The following MTUS1 variants were observed in gnomAD, a reference collection of about 807,000 sequenced individuals.
The protein encoded by MTUS1 is microtubule-associated tumor suppressor 1.
A neutral mutation model predicts 120.8 loss-of-function variants in MTUS1; 109 were observed. The ratio of observed to expected loss-of-function variants is 0.90; its 90% confidence interval spans 0.77 to 1.06. MTUS1 has a LOEUF of 1.06. MTUS1 is among the 50% of genes least tolerant of loss of function. MTUS1 has a pLI of 0.00. For missense variants in MTUS1, 2,210 were observed against 1,486.3 expected (o/e 1.49, Z -8.01); for synonymous variants, 737 against 550.5 (o/e 1.34, Z -4.74).
intron 6 of MTUS1, among the ~76,000 whole-genome samples, chr8:17,708,333 G>A (rs73204281): frequency 0.042 from 6,459 of 152,314 alleles, 162 homozygotes; most frequent in Middle Eastern, 0.065. Flanking sequence ...CAAATGGCCA[G>A]TAAGCACACG....
At chr8:17,734,185 G>A (rs1187783048) in intron 3 of MTUS1, 2 of 152,168 alleles carry the variant, frequency 1.3e-5, no homozygotes, top group African/African-American at 4.8e-5. Context: ...ATCCCTCAGT[G>A]TCTGGTACAT....
intron 3 of MTUS1, 49 bp from the exon 4 acceptor site, chr8:17,723,882 A>G (rs1312714484): frequency 4.1e-6 from 6 of 1,469,838 alleles, no homozygotes; most frequent in Non-Finnish European, 3.6e-6. Flanking sequence ...TCATCCCGAA[A>G]GCTGGCACTT....
intron 2 of MTUS1, among the ~76,000 whole-genome samples, chr8:17,744,268 T>C (rs963289214): frequency 2.0e-5 from 3 of 152,148 alleles, no homozygotes; most frequent in Middle Eastern, 3.2e-3. Context: ...CTAGCACCTT[T>C]TAAAAGTCTA....
intron 3 of MTUS1, among the ~76,000 whole-genome samples, chr8:17,742,105 C>G (rs777941956): frequency 5.3e-5 from 8 of 151,910 alleles, no homozygotes; most frequent in Non-Finnish European, 1.2e-4. Flanking sequence ...TTCTTCACCA[C>G]CAAGGGACAG....
intron 9 of MTUS1, among the ~76,000 whole-genome samples, chr8:17,655,302 A>C (rs1020476931): frequency 6.7e-6 from 1 of 149,844 alleles, no homozygotes; most frequent in African/African-American, 2.4e-5. Flanking sequence ...AAAAAAAAAG[A>C]AAGAAATGCA....
Position 17,645,888 on chromosome 8 carries a change from A to G in MTUS1, c.*38T>C, listed in dbSNP as rs1805668260. ...GGGGTCAGTCCTGCAGACCTGCATCAAAATGCTTTCAGAGAGTCTGTGGAC... is the reference window on the plus strand; with the variant it reads ...GGGGTCAGTCCTGCAGACCTGCATCGAAATGCTTTCAGAGAGTCTGTGGAC... On this transcript the variant is annotated 3_prime_UTR_variant, in exon 15 of 15. Transcript: ENST00000693296. 1.1e-5 allele frequency: 17 copies of G among 1,589,696 alleles called. No individual in the cohort carries two copies. The highest frequency in any genetic ancestry group is 1.5e-5 in the Non-Finnish European group (17 of 1,168,680).
chr8:17,657,363 T>C (rs1291539758), intron 8 of MTUS1, among the ~76,000 whole-genome samples: 3 of 151,212 alleles, frequency 2.0e-5, no homozygotes, highest in Non-Finnish European at 4.4e-5. Context: ...GGTCAGGAGA[T>C]CGAGACCATC....
chr8:17,699,364 G>A (rs1189504742), intron 6 of MTUS1, among the ~76,000 whole-genome samples: 2 of 152,038 alleles, frequency 1.3e-5, no homozygotes, highest in South Asian at 2.1e-4. Context: ...ACAGGTGCCC[G>A]CCACCATGCC....
At chr8:17,705,588 GAA>G (rs968146674) in intron 6 of MTUS1, 12 of 152,118 alleles carry the variant, frequency 7.9e-5, no homozygotes, top group Non-Finnish European at 1.5e-4. Context: ...AGTATAGGGG[GAA>G]AGTTATGTTA....
chr8:17,728,904 G>A (rs539315340), intron 3 of MTUS1, among the ~76,000 whole-genome samples: 1 of 152,160 alleles, frequency 6.6e-6, no homozygotes, highest in Non-Finnish European at 1.5e-5. Flanking sequence ...TAGTGTACCA[G>A]CACCTGCCAG....
chr8:17,719,107 T>C (rs1019353213), intron 4 of MTUS1, among the ~76,000 whole-genome samples: 1 of 151,856 alleles, frequency 6.6e-6, no homozygotes, highest in African/African-American at 2.4e-5. Context: ...GAGGCGGAGG[T>C]TGCAGTGAGC....
chr8:17,780,956 A>T (rs923733622), intron 1 of MTUS1: 3 of 152,232 alleles, frequency 2.0e-5, no homozygotes, highest in African/African-American at 7.2e-5. Context: ...GACACAGCTT[A>T]CACTTCATAG....
At chr8:17,770,752 C>T (rs1330817505) in intron 1 of MTUS1, among the ~76,000 whole-genome samples, 2 of 152,200 alleles carry the variant, frequency 1.3e-5, no homozygotes, top group Non-Finnish European at 1.5e-5. Flanking sequence ...ACAGACTTTT[C>T]TGAGGCTTTA....
At position 17,683,819 on chromosome 8, in the gene MTUS1, G is replaced by A. The variant is rs145541242; in HGVS notation, c.2838+509C>T. On this transcript the variant is annotated intron_variant, in intron 7 of 14. Coordinates refer to ENST00000693296, the MANE Select transcript of MTUS1 (RefSeq NM_001363059.2). ...GAATATTAGGGAAAAGTAACAACAC[G>A]GCAAATCTGCTTTGCTTTTGTTGCA... 2.4e-3 allele frequency among the ~76,000 whole-genome samples: 361 copies of A among 152,224 alleles called. 2 individuals carry two copies. The highest frequency in any genetic ancestry group is 4.7e-3 in the Admixed American group (72 of 15,294).
chr8:17,744,949 G>A (rs913853188), intron 2 of MTUS1, among the ~76,000 whole-genome samples: 1 of 152,100 alleles, frequency 6.6e-6, no homozygotes, highest in Non-Finnish European at 1.5e-5. Context: ...TATCTCAAAT[G>A]TATTGACTGA....
chr8:17,689,892 C>T (rs3899006), intron 6 of MTUS1, among the ~76,000 whole-genome samples: 27,621 of 128,226 alleles, frequency 0.22, 3,054 homozygotes, highest in African/African-American at 0.35. Flanking sequence ...AAGACTTAAA[C>T]GTAAGACCTG....
At chr8:17,660,682 C>A (rs1393846481) in intron 8 of MTUS1, among the ~76,000 whole-genome samples, 1 of 152,202 alleles carries the variant, frequency 6.6e-6, no homozygotes, top group Non-Finnish European at 1.5e-5. Flanking sequence ...AATTTCTCCA[C>A]ATGCTCACCA....
chr8:17,697,262 T>C (rs1022775343), intron 6 of MTUS1: 2 of 1,613,706 alleles, frequency 1.2e-6, no homozygotes, highest in Non-Finnish European at 8.5e-7. Context: ...CAGACCTGTG[T>C]GGAAAACAAC....
In MTUS1 at chr8:17,723,734, C is replaced by G; in HGVS notation, c.2387G>C (p.Arg796Thr). ...KASLKSPALRRTGSTPSIAST... is the reference protein window; with the variant it reads ...KASLKSPALRTTGSTPSIAST... The stretch of plus-strand genomic sequence containing the variant: ...GGCTATTGAGGGGGTGCTTCCTGTC[C>G]TCCGCAGCGCAGGACTTTTCAAAGA... The change falls in exon 4 of 15, where the codon AGG becomes ACG. Residue 796 changes from arginine (R) to threonine (T), a missense_variant. By Grantham distance (71) the Arg-to-Thr change is moderately conservative. Coordinates refer to ENST00000693296, the MANE Select transcript of MTUS1 (RefSeq NM_001363059.2). 1.2e-6 allele frequency: 2 copies of G among 1,610,846 alleles called. No homozygotes were observed. Among genetic ancestry groups the G allele is most frequent in the East Asian group, 2.2e-5 (1 of 44,878 alleles).
Sources: allele counts gnomAD v4.1 joint callset (sites outside exome capture counted in the v4.1 genomes callset), GRCh38; gene constraint gnomAD v4.1.1; transcripts MANE v1.5; gene names NCBI Gene and HGNC (gene_info 2026-07-23, HGNC 2026-07-21).